BLK: variants seen among roughly 807,000 people sequenced by gnomAD.
The protein encoded by BLK is BLK proto-oncogene, Src family tyrosine kinase.
Under a neutral mutation model 61.8 loss-of-function variants are expected in BLK, and 64 were observed. The ratio of observed to expected loss-of-function variants is 1.03; its 90% CI spans 0.85 to 1.27. The LOEUF is 1.27. Ranked by LOEUF, BLK falls within the 50% of genes most tolerant of loss-of-function variation. The pLI, the probability that BLK is intolerant of heterozygous loss-of-function variation, is 0.00. For missense variants in BLK, 853 were observed against 660.5 expected (o/e 1.29, Z -3.19); for synonymous variants, 351 against 272.0 (o/e 1.29, Z -2.86).
In BLK at chr8:11,494,403, C is replaced by T. The variant is rs922483; in HGVS notation, c.-190C>T. 0.32 allele frequency: 48,922 copies of T among 152,170 alleles called. 8,898 individuals carry two copies. The highest frequency in any genetic ancestry group is 0.72 in the East Asian group (3,712 of 5,156). The allele number at this position is 152,170 out of a possible 1,614,324, so 9.4% of individuals were successfully genotyped here. ...TCTGATCGCAGACCGGGGGTGCTGC[C>T]ACCTCTGTCTGCTGCCGGCAGAAAG... On this transcript the variant is annotated 5_prime_UTR_variant, in exon 1 of 13. Coordinates refer to ENST00000259089, the MANE Select transcript of BLK (RefSeq NM_001715.3).
chr8:11,556,990 G>A (rs915824871), intron 9 of BLK, among the ~76,000 whole-genome samples, 153 bp downstream of exon 9: 1 of 152,102 alleles, frequency 6.6e-6, no homozygotes, highest in African/African-American at 2.4e-5. Context: ...GATGGAGGGA[G>A]GGGGAGGGAC....
At chr8:11,557,762 C>T (rs752473148) in intron 9 of BLK, 200 bp from the exon 10 acceptor site, 63 of 572,948 alleles carry the variant, frequency 1.1e-4, no homozygotes, top group Middle Eastern at 4.9e-4. Flanking sequence ...TGGCTGCCTC[C>T]CGGGGTGCTG....
chr8:11,558,903 C>G (rs1348599428), intron 10 of BLK: 2 of 456,054 alleles, frequency 4.4e-6, no homozygotes, highest in Non-Finnish European at 8.8e-6. Flanking sequence ...GCCCCTCGCC[C>G]AGCCTTACCC....
At chr8:11,510,957 T>C (rs192086289) in intron 1 of BLK, among the ~76,000 whole-genome samples, 6 of 152,356 alleles carry the variant, frequency 3.9e-5, no homozygotes, top group Non-Finnish European at 7.3e-5. Context: ...GGAAATGCTT[T>C]GGCATTTTAA....
At chr8:11,523,272 A>G (rs949783228) in intron 1 of BLK, among the ~76,000 whole-genome samples, 2 of 152,216 alleles carry the variant, frequency 1.3e-5, no homozygotes, top group Admixed American at 6.5e-5. Context: ...CACAAAGTTC[A>G]GTTGGGCATG....
intron 1 of BLK, among the ~76,000 whole-genome samples, chr8:11,528,685 T>C (rs1237973502): frequency 6.6e-6 from 1 of 152,206 alleles, no homozygotes. Flanking sequence ...GTGCAACTTG[T>C]TGGGGTCCAA....
chr8:11,526,537 G>A (rs1301967603), intron 1 of BLK, among the ~76,000 whole-genome samples: 3 of 152,154 alleles, frequency 2.0e-5, no homozygotes, highest in African/African-American at 4.8e-5. Context: ...TGGGCAAAAT[G>A]ATGAAACCCC....
intron 1 of BLK, among the ~76,000 whole-genome samples, chr8:11,538,505 T>C (rs911195889): frequency 6.6e-6 from 1 of 152,202 alleles, no homozygotes; most frequent in African/African-American, 2.4e-5. Context: ...GAAGTGTAAG[T>C]AGTGGGTCAT....
intron 1 of BLK, among the ~76,000 whole-genome samples, chr8:11,531,889 C>T (rs563233600): frequency 5.3e-5 from 8 of 152,274 alleles, no homozygotes; most frequent in East Asian, 3.9e-4. Context: ...GACAGAGTCT[C>T]GCCCTGTTGC....
At chr8:11,519,674 AGTT>A in intron 1 of BLK, among the ~76,000 whole-genome samples, 1 of 152,338 alleles carries the variant, frequency 6.6e-6, no homozygotes. Flanking sequence ...CGTGTGAGGT[AGTT>A]ATTATCTCAA....
chr8:11,559,301 A>C (rs1801369114), intron 10 of BLK, among the ~76,000 whole-genome samples: 1 of 148,642 alleles, frequency 6.7e-6, no homozygotes, highest in South Asian at 2.1e-4. Context: ...ACACACACAC[A>C]CTCTCACACA....
chr8:11,547,698 C>G (rs1178861564), intron 3 of BLK, among the ~76,000 whole-genome samples: 1 of 152,172 alleles, frequency 6.6e-6, no homozygotes, highest in African/African-American at 2.4e-5. Context: ...TGAGGGCTCC[C>G]AGCACTATGT....
At chr8:11,529,706 A>G (rs1389402659) in intron 1 of BLK, among the ~76,000 whole-genome samples, 1 of 152,188 alleles carries the variant, frequency 6.6e-6, no homozygotes, top group Non-Finnish European at 1.5e-5. Context: ...ATTTTTAACT[A>G]CAAACTATAA....
At chr8:11,557,658 G>T (rs1380551510) in intron 9 of BLK, among the ~76,000 whole-genome samples, 1 of 152,208 alleles carries the variant, frequency 6.6e-6, no homozygotes, top group African/African-American at 2.4e-5. Flanking sequence ...CTTCGAGTCA[G>T]AACTGGGGTC....
chr8:11,555,063 C>T (rs1801133315), intron 7 of BLK, among the ~76,000 whole-genome samples, 174 bp downstream of exon 7: 1 of 152,190 alleles, frequency 6.6e-6, no homozygotes, highest in African/African-American at 2.4e-5. Flanking sequence ...GGCCCTAATT[C>T]CCTCTCCTGG....
rs532893617 is a variant in BLK, at chr8:11,533,165, A to G, written c.-1-10059A>G. 3.3e-5 allele frequency among the ~76,000 whole-genome samples: 5 copies of G among 152,334 alleles called. No homozygotes were observed. The South Asian group carries it at 6.2e-4, about 19-fold the overall frequency. Reference sequence around the variant, plus strand: ...GTTAATTTTAAATCTCTGCCTCTCTAGCAGGACATCTGTGTCTCTAGATCC... The same window carrying G: ...GTTAATTTTAAATCTCTGCCTCTCTGGCAGGACATCTGTGTCTCTAGATCC... On this transcript the variant is annotated intron_variant, in intron 1 of 12. Coordinates refer to ENST00000259089, the MANE Select transcript of BLK (RefSeq NM_001715.3).
chr8:11,511,150 G>C (rs1351853975), intron 1 of BLK, among the ~76,000 whole-genome samples: 2 of 152,174 alleles, frequency 1.3e-5, no homozygotes, highest in Admixed American at 6.5e-5. Flanking sequence ...TGAAATTCAA[G>C]AGACCAAACC....
In BLK at chr8:11,548,038, A is replaced by G. The variant is rs1800722559; in HGVS notation, c.182A>G (p.His61Arg). 6.2e-7 allele frequency: 1 copy of G among 1,613,948 alleles called. No individual in the cohort carries two copies. Among genetic ancestry groups the G allele is most frequent in the Non-Finnish European group, 8.5e-7 (1 of 1,179,930 alleles). The change falls in exon 4 of 13, where the codon CAT becomes CGT. Residue 61 changes from histidine to arginine, a missense_variant. Coordinates refer to ENST00000259089, the MANE Select transcript of BLK (RefSeq NM_001715.3). Reference protein sequence around the residue: ...PPDEHLDEDKHFVVALYDYTA... With the variant: ...PPDEHLDEDKRFVVALYDYTA... The stretch of plus-strand genomic sequence containing the variant: ...TCTCCCTTGTTCATTTTAGACAAGC[A>G]TTTCGTGGTGGCTCTGTATGACTAC...
At chr8:11,536,029 C>G (rs886330446) in intron 1 of BLK, among the ~76,000 whole-genome samples, 1 of 152,166 alleles carries the variant, frequency 6.6e-6, no homozygotes, top group Non-Finnish European at 1.5e-5. Flanking sequence ...TTGTTTGAAT[C>G]CTGAGTAGGA....
Sources: allele counts gnomAD v4.1 joint callset (sites outside exome capture counted in the v4.1 genomes callset), GRCh38; gene constraint gnomAD v4.1.1; transcripts MANE v1.5; gene names NCBI Gene and HGNC (gene_info 2026-07-23, HGNC 2026-07-21).